The following MCMBP variants were observed in gnomAD, a reference collection of about 807,000 sequenced individuals.
MCMBP encodes mini-chromosome maintenance complex-binding protein.
A neutral mutation model predicts 81.3 loss-of-function variants in MCMBP; 31 were observed. The observed-to-expected ratio is 0.38, with a 90% CI of 0.29 to 0.51. The LOEUF (loss-of-function observed/expected upper bound fraction) is 0.51. Among genes scored for constraint, MCMBP ranks in the 20% least tolerant of loss-of-function variants. The probability of loss-of-function intolerance (pLI) is 0.87; values close to 1 mark genes in which losing one functional copy is unlikely to be tolerated. For synonymous variants in MCMBP, 267 were observed against 275.9 expected (o/e 0.97, Z 0.32); for missense variants, 645 against 772.1 (o/e 0.84, Z 1.95).
intron 12 of MCMBP, among the ~76,000 whole-genome samples, chr10:119,838,055 C>A (rs957393969): frequency 2.0e-5 from 3 of 151,710 alleles, no homozygotes; most frequent in African/African-American, 4.8e-5. Flanking sequence ...TATACAACTA[C>A]GCAAAAGAAC....
chr10:119,864,398 T>C (rs1306938865), intron 1 of MCMBP, among the ~76,000 whole-genome samples: 1 of 152,258 alleles, frequency 6.6e-6, no homozygotes, highest in African/African-American at 2.4e-5. Context: ...TCTAAGTTGA[T>C]GAATTTCTAT....
chr10:119,853,324 G>A (rs1372332453), intron 5 of MCMBP, 130 bp from the exon 6 acceptor site: 2 of 913,278 alleles, frequency 2.2e-6, no homozygotes, highest in Non-Finnish European at 1.6e-6. Flanking sequence ...CATAAAAGGA[G>A]GCTAGACTTC....
intron 1 of MCMBP, among the ~76,000 whole-genome samples, chr10:119,868,647 C>T (rs1249004397): frequency 2.6e-5 from 4 of 152,084 alleles, no homozygotes; most frequent in East Asian, 3.9e-4. Context: ...AAGGAACTTC[C>T]GAAACAAGGA....
At chr10:119,838,795 A>C in intron 11 of MCMBP, 95 bp from the exon 12 acceptor site, 14 of 1,133,466 alleles carry the variant, frequency 1.2e-5, no homozygotes, top group Non-Finnish European at 1.7e-5. Context: ...CATATGGAAA[A>C]AGTGATCTTA....
chr10:119,843,636 T>C (rs181550163), intron 8 of MCMBP, among the ~76,000 whole-genome samples: 9 of 152,262 alleles, frequency 5.9e-5, no homozygotes, highest in African/African-American at 9.6e-5. Context: ...ATAATGCATT[T>C]ATTCAATTTT....
chr10:119,838,575 G>T lies in MCMBP; in HGVS notation c.1368C>A (p.Ile456=). 1 of 1,614,086 alleles carries T rather than the reference G, an allele frequency of 6.2e-7. No individual in the cohort carries two copies. The highest frequency in any genetic ancestry group is 8.5e-7 in the Non-Finnish European group (1 of 1,179,988). The change falls in exon 12 of 16, where the codon ATC becomes ATA. Residue 456 remains isoleucine (I), a synonymous_variant. Coordinates refer to ENST00000369077, the MANE Select transcript of MCMBP (RefSeq NM_001256378.2). Reference sequence around the variant, plus strand: ...GCCCCTGTTCCAGGAGAGTCTCATCGATTACAAGGGAAGTATTGCTGGGCA... The same window carrying T: ...GCCCCTGTTCCAGGAGAGTCTCATCTATTACAAGGGAAGTATTGCTGGGCA... The part of the protein sequence containing the change: ...LQLPSNTSLV[I]DETLLEQGQL...
Position 119,833,134 on chromosome 10 carries a change from ATT to A in MCMBP, c.1708-1036_1708-1035del, listed in dbSNP as rs1852105851. ...GTAGACTGGGAGACTACTACCCAGC[ATT>A]TAAGGAAATTTCTTTCCAATCATTA... On this transcript the variant is annotated intron_variant, in intron 14 of 15. Coordinates refer to ENST00000369077, the MANE Select transcript of MCMBP (RefSeq NM_001256378.2). Among the ~76,000 whole-genome samples the A allele has an allele frequency of 5.3e-5, 8 of 152,340 alleles. No individual in the cohort carries two copies. The South Asian group carries it at 1.7e-3, about 32-fold the overall frequency.
chr10:119,858,314 G>C (rs919131033), intron 4 of MCMBP: 2 of 152,222 alleles, frequency 1.3e-5, no homozygotes, highest in Admixed American at 6.5e-5. Flanking sequence ...TAGGAGAAAG[G>C]TACCTTAGGC....
At chr10:119,851,511 A>T (rs1332371860) in intron 6 of MCMBP, among the ~76,000 whole-genome samples, 1 of 152,082 alleles carries the variant, frequency 6.6e-6, no homozygotes, top group Non-Finnish European at 1.5e-5. Flanking sequence ...AGCTCACTGC[A>T]ACCTCCGCCC....
At chr10:119,836,247 T>C (rs1432065481) in intron 13 of MCMBP, among the ~76,000 whole-genome samples, 1 of 152,230 alleles carries the variant, frequency 6.6e-6, no homozygotes, top group African/African-American at 2.4e-5. Context: ...CACACAAAAA[T>C]GTAGCCAACC....
intron 1 of MCMBP, among the ~76,000 whole-genome samples, chr10:119,863,915 A>T (rs1853355409): frequency 6.6e-6 from 1 of 152,086 alleles, no homozygotes. Context: ...CCCAACCAAG[A>T]TACTGATGTT....
intron 11 of MCMBP, among the ~76,000 whole-genome samples, chr10:119,840,406 T>C (rs918345874): frequency 6.6e-6 from 1 of 152,200 alleles, no homozygotes; most frequent in Non-Finnish European, 1.5e-5. Context: ...AAATACTGCA[T>C]TCCAGATACC....
intron 8 of MCMBP, 32 bp from the exon 9 acceptor site, chr10:119,843,458 G>C: frequency 6.3e-7 from 1 of 1,598,596 alleles, no homozygotes; most frequent in Non-Finnish European, 8.5e-7. Context: ...TCAATTTAGA[G>C]AGACATCAAT....
intron 1 of MCMBP, among the ~76,000 whole-genome samples, chr10:119,868,890 G>C (rs1050079024): frequency 6.6e-6 from 1 of 152,222 alleles, no homozygotes; most frequent in Non-Finnish European, 1.5e-5. Context: ...AAAAGGTTCA[G>C]TGCGGCTGGG....
intron 7 of MCMBP, among the ~76,000 whole-genome samples, chr10:119,848,717 A>C (rs1217777507): frequency 6.6e-6 from 1 of 152,232 alleles, no homozygotes; most frequent in Admixed American, 6.5e-5. Flanking sequence ...TCACTTGCTC[A>C]TTTATCAGGA....
chr10:119,864,020 A>G (rs1233435716), intron 1 of MCMBP, among the ~76,000 whole-genome samples: 1 of 151,982 alleles, frequency 6.6e-6, no homozygotes, highest in Non-Finnish European at 1.5e-5. Flanking sequence ...AAAAAAAACA[A>G]TCTGGGTGGG....
At chr10:119,866,741 T>C (rs1228070031) in intron 1 of MCMBP, among the ~76,000 whole-genome samples, 3 of 152,160 alleles carry the variant, frequency 2.0e-5, no homozygotes, top group Non-Finnish European at 2.9e-5. Context: ...GAATTTTATT[T>C]CAAAGAAAAA....
intron 9 of MCMBP, 50 bp from the exon 10 acceptor site, chr10:119,842,645 C>G (rs756845016): frequency 2.0e-5 from 32 of 1,578,822 alleles, no homozygotes; most frequent in Non-Finnish European, 2.7e-5. Flanking sequence ...CAGTTCCTCT[C>G]AAGTGTCTTA....
At chr10:119,866,196 G>A (rs189450015) in intron 1 of MCMBP, among the ~76,000 whole-genome samples, 86 of 152,238 alleles carry the variant, frequency 5.6e-4, no homozygotes, top group African/African-American at 2.0e-3. Context: ...AAGGCCACAT[G>A]TTGTATAATT....
Sources: gnomAD v4.1 joint callset for allele counts (sites outside exome capture counted in the v4.1 genomes callset) on GRCh38, gnomAD v4.1.1 for gene constraint, MANE v1.5 for transcripts, NCBI Gene and HGNC (gene_info 2026-07-23, HGNC 2026-07-21) for gene names.